CWF19L1: variants seen among roughly 807,000 people sequenced by gnomAD.
CWF19L1 encodes the protein CWF19 like cell cycle control factor 1, also known as CWF19-like protein 1.
CWF19L1 carries 60 observed loss-of-function variants against 69.7 expected under a neutral mutation model. That is an observed-to-expected ratio of 0.86 (90% CI 0.70 to 1.07). The LOEUF is 1.07. CWF19L1 is among the 50% of genes least tolerant of loss of function. The probability of loss-of-function intolerance (pLI) is 0.00; values close to 1 mark genes in which losing one functional copy is unlikely to be tolerated. For missense variants in CWF19L1, 591 were observed against 638.9 expected (o/e 0.92, Z 0.81); for synonymous variants, 209 against 222.2 (o/e 0.94, Z 0.53).
At position 100,233,127 on chromosome 10, in the gene CWF19L1, G is replaced by T; in HGVS notation, c.*100C>A. ...TATGCCACTGCAATCCTGCTTGGGTGACAGAGCGAGACTTTGTCTCAAAAA... is the reference window on the plus strand; with the variant it reads ...TATGCCACTGCAATCCTGCTTGGGTTACAGAGCGAGACTTTGTCTCAAAAA... On this transcript the variant is annotated 3_prime_UTR_variant, in exon 14 of 14. Coordinates refer to ENST00000354105, the MANE Select transcript of CWF19L1 (RefSeq NM_018294.6). 1 of 1,242,230 alleles carries T rather than the reference G, an allele frequency of 8.1e-7. No homozygotes were observed. The highest frequency in any genetic ancestry group is 1.1e-6 in the Non-Finnish European group (1 of 917,548). 77.0% of individuals were successfully genotyped at this position (1,242,230 alleles called of 1,614,324 possible).
intron 1 of CWF19L1, among the ~76,000 whole-genome samples, chr10:100,266,081 T>C (rs2134331733): frequency 6.6e-6 from 1 of 152,210 alleles, no homozygotes; most frequent in East Asian, 1.9e-4. Context: ...GGCTCAATCC[T>C]AACATTCTCG....
intron 6 of CWF19L1, among the ~76,000 whole-genome samples, chr10:100,250,963 A>G (rs888346262): frequency 1.4e-5 from 2 of 147,298 alleles, no homozygotes; most frequent in Non-Finnish European, 3.0e-5. Context: ...AAAAAAATTA[A>G]AAAAAAAAAA....
At chr10:100,237,354 G>A in intron 11 of CWF19L1, 1 of 438,882 alleles carries the variant, frequency 2.3e-6, no homozygotes. Context: ...TGCAGGCTTT[G>A]AGACTATTTC....
In CWF19L1 at chr10:100,232,383, T is replaced by C. The variant is rs1846308293; in HGVS notation, c.*844A>G. The C allele has an allele frequency of 6.6e-6, 1 of 152,258 alleles. No homozygotes were observed. The allele number at this position is 152,258 out of a possible 1,614,324, so 9.4% of individuals were successfully genotyped here. On this transcript the variant is annotated 3_prime_UTR_variant, in exon 14 of 14. Transcript: ENST00000354105. ...TACACAAGCTGTACTTGGAGCTGGATAACAGACATAGGAGCTGGATGACAG... is the reference window on the plus strand; with the variant it reads ...TACACAAGCTGTACTTGGAGCTGGACAACAGACATAGGAGCTGGATGACAG...
chr10:100,244,017 C>T (rs767127683), intron 9 of CWF19L1, among the ~76,000 whole-genome samples: 1 of 152,208 alleles, frequency 6.6e-6, no homozygotes, highest in Non-Finnish European at 1.5e-5. Context: ...CAAAATCACA[C>T]ACTGACTAAA....
At chr10:100,249,208 G>T in intron 7 of CWF19L1, 1 of 273,290 alleles carries the variant, frequency 3.7e-6, no homozygotes, top group Non-Finnish European at 7.0e-6. Context: ...GGAAATAAAG[G>T]CAAAATCACT....
At chr10:100,250,961 T>TAAA (rs1181690145) in intron 6 of CWF19L1, among the ~76,000 whole-genome samples, 1 of 140,130 alleles carries the variant, frequency 7.1e-6, no homozygotes, top group African/African-American at 2.6e-5. Flanking sequence ...AAAAAAAAAT[T>TAAA]AAAAAAAAAA....
intron 11 of CWF19L1, 82 bp from the exon 12 acceptor site, chr10:100,237,051 T>C: frequency 6.7e-7 from 1 of 1,486,898 alleles, no homozygotes; most frequent in Non-Finnish European, 9.1e-7. Context: ...AAGTAGCAAA[T>C]CCATCACAGG....
In CWF19L1 at chr10:100,265,868, C is replaced by T. The variant is rs540609532; in HGVS notation, c.23+1703G>A. The stretch of plus-strand genomic sequence containing the variant: ...CTATATTTAAATACAAAAATGCTTA[C>T]CATTGTGTTACAATTGCCTACAGTA... On this transcript the variant is annotated intron_variant, in intron 1 of 13. Coordinates refer to ENST00000354105, the MANE Select transcript of CWF19L1 (RefSeq NM_018294.6). Among the ~76,000 whole-genome samples, 20 of 152,238 alleles carry T rather than the reference C, an allele frequency of 1.3e-4. No individual in the cohort carries two copies. In the South Asian group the frequency reaches 3.9e-3, roughly 30 times the overall value.
At chr10:100,235,624 T>C (rs767766357) in intron 13 of CWF19L1, 43 bp downstream of exon 13, 3 of 1,359,684 alleles carry the variant, frequency 2.2e-6, no homozygotes, top group African/African-American at 1.4e-5. Flanking sequence ...ACTCTGTTCA[T>C]AGCAGGTCTA....
At chr10:100,246,597 T>C (rs964510832) in intron 8 of CWF19L1, among the ~76,000 whole-genome samples, 198 bp downstream of exon 8, 1 of 152,168 alleles carries the variant, frequency 6.6e-6, no homozygotes, top group Non-Finnish European at 1.5e-5. Flanking sequence ...AAAGACCTAA[T>C]GTATCAAACT....
At chr10:100,251,230 C>G (rs1166249109) in intron 6 of CWF19L1, among the ~76,000 whole-genome samples, 1 of 152,106 alleles carries the variant, frequency 6.6e-6, no homozygotes, top group Non-Finnish European at 1.5e-5. Flanking sequence ...TATCTTGGGA[C>G]AGGAATAAAA....
At chr10:100,266,071 G>A (rs1344616457) in intron 1 of CWF19L1, among the ~76,000 whole-genome samples, 1 of 151,940 alleles carries the variant, frequency 6.6e-6, no homozygotes, top group African/African-American at 2.4e-5. Context: ...TATTTCCCAA[G>A]GCTCAATCCT....
chr10:100,253,595 A>C (rs954628958), intron 5 of CWF19L1, 56 bp from the exon 6 acceptor site: 4 of 955,554 alleles, frequency 4.2e-6, no homozygotes, highest in Middle Eastern at 2.1e-4. Flanking sequence ...AGAAATGCAA[A>C]TAAATAATAA....
intron 10 of CWF19L1, 27 bp from the exon 11 acceptor site, chr10:100,238,258 A>C (rs750514135): frequency 6.2e-7 from 1 of 1,600,200 alleles, no homozygotes; most frequent in South Asian, 1.1e-5. Flanking sequence ...CAGAATTGAG[A>C]CATCAATACA....
intron 9 of CWF19L1, among the ~76,000 whole-genome samples, 160 bp downstream of exon 9, chr10:100,245,639 C>T (rs895201567): frequency 6.6e-6 from 1 of 152,194 alleles, no homozygotes; most frequent in African/African-American, 2.4e-5. Context: ...CACACCTGGC[C>T]AAGGCCATGT....
At chr10:100,265,767 C>T (rs1280566178) in intron 1 of CWF19L1, among the ~76,000 whole-genome samples, 1 of 152,034 alleles carries the variant, frequency 6.6e-6, no homozygotes, top group East Asian at 1.9e-4. Flanking sequence ...GTGATCCACC[C>T]ACCTCGGCCT....
intron 10 of CWF19L1, 94 bp downstream of exon 10, chr10:100,243,604 A>G: frequency 9.2e-7 from 1 of 1,092,012 alleles, no homozygotes; most frequent in East Asian, 2.4e-5. Context: ...ACACTTAAAC[A>G]TGGGTAAATG....
chr10:100,236,773 C>T (rs1019492650), intron 12 of CWF19L1, 77 bp downstream of exon 12: 2 of 1,508,986 alleles, frequency 1.3e-6, no homozygotes, highest in African/African-American at 2.8e-5. Flanking sequence ...CTGTCTCAAA[C>T]AAACAAACAA....
Sources: allele counts gnomAD v4.1 joint callset (sites outside exome capture counted in the v4.1 genomes callset), GRCh38; gene constraint gnomAD v4.1.1; transcripts MANE v1.5; gene names NCBI Gene and HGNC (gene_info 2026-07-23, HGNC 2026-07-21).